Variants in TBC1D32 observed in about 807,000 individuals in gnomAD.
The protein encoded by TBC1D32 is TBC1 domain family member 32.
TBC1D32 carries 151 observed loss-of-function variants against 170.3 expected under a neutral mutation model. The observed-to-expected ratio is 0.89, with a 90% CI of 0.78 to 1.01. The LOEUF is 1.01. TBC1D32 is among the 50% of genes least tolerant of loss of function. TBC1D32 has a pLI of 0.00. For missense variants in TBC1D32, 1,464 were observed against 1,457.1 expected (o/e 1.00, Z -0.08); for synonymous variants, 498 against 488.0 (o/e 1.02, Z -0.27).
Position 121,262,608 on chromosome 6 carries a change from C to A in TBC1D32, c.1734-6323G>T, listed in dbSNP as rs575774192. Among the ~76,000 whole-genome samples, 5 of 152,082 alleles carry A rather than the reference C, an allele frequency of 3.3e-5. No homozygotes were observed. The East Asian group carries it at 9.7e-4, about 29-fold the overall frequency. ...TCTCCTGCCTCAGCCTCCTGAGTAG[C>A]TGGGACTATAGGCATGTGCCACCAT... On this transcript the variant is annotated intron_variant, in intron 15 of 31. Coordinates refer to ENST00000398212, the MANE Select transcript of TBC1D32 (RefSeq NM_152730.6).
intron 21 of TBC1D32, among the ~76,000 whole-genome samples, chr6:121,216,091 G>A (rs1369950574): frequency 1.3e-5 from 2 of 152,352 alleles, no homozygotes; most frequent in East Asian, 3.9e-4. Flanking sequence ...GCTGCCAAAG[G>A]AAATTAACAT....
intron 15 of TBC1D32, among the ~76,000 whole-genome samples, chr6:121,263,864 A>G (rs1800096391): frequency 6.6e-6 from 1 of 152,256 alleles, no homozygotes; most frequent in Admixed American, 6.5e-5. Flanking sequence ...AGTAAGGCAG[A>G]AATCAAGAAT....
At chr6:121,230,530 C>T (rs1203416583) in intron 20 of TBC1D32, among the ~76,000 whole-genome samples, 1 of 151,934 alleles carries the variant, frequency 6.6e-6, no homozygotes, top group African/African-American at 2.4e-5. Context: ...TGATGTTAAG[C>T]CACCTGTAAT....
At chr6:121,158,798 T>C (rs1785223503) in intron 24 of TBC1D32, among the ~76,000 whole-genome samples, 1 of 152,210 alleles carries the variant, frequency 6.6e-6, no homozygotes, top group South Asian at 2.1e-4. Flanking sequence ...AGGTAGAGTT[T>C]AAGAGTGGTG....
Position 121,279,223 on chromosome 6 carries a change from G to A in TBC1D32, c.1631C>T (p.Thr544Ile). The A allele has an allele frequency of 6.2e-7, 1 of 1,608,006 alleles. No individual in the cohort carries two copies. Residue 544 changes from threonine to isoleucine, a missense_variant, in exon 15 of 32, where the codon ACA (threonine) becomes ATA (isoleucine). Physicochemically the swap from Thr to Ile is moderately conservative, Grantham distance 89. This residue lies in a region of TBC1D32 where 1,363 missense variants were observed against 1,338.1 expected (regional missense o/e 1.02). Coordinates refer to ENST00000398212, the MANE Select transcript of TBC1D32 (RefSeq NM_152730.6). Reference protein sequence around the residue: ...GNEASPNCSETALIHIAGILA... With the variant: ...GNEASPNCSEIALIHIAGILA... ...AATACCAGCTATATGAATTAAAGCTGTCTCAGAGCAATTTGGAGATGCCTG... is the reference window on the plus strand; with the variant it reads ...AATACCAGCTATATGAATTAAAGCTATCTCAGAGCAATTTGGAGATGCCTG...
intron 12 of TBC1D32, among the ~76,000 whole-genome samples, chr6:121,291,005 TG>T (rs1370650728): frequency 1.3e-5 from 2 of 151,764 alleles, no homozygotes; most frequent in East Asian, 3.9e-4. Context: ...GTTGTGGGGT[TG>T]GGGGAGGGTG....
rs571435626 is a variant in TBC1D32 at position 121,179,671 on chromosome 6, TTAAA to T, written c.2571-18619_2571-18616del. ...TTCTCGACTAACTTTATTTATAAAT[TTAAA>T]TAAACATTATGTAACAATTTAATCA... On this transcript the variant is annotated intron_variant, in intron 22 of 31. Transcript: ENST00000398212. Among the ~76,000 whole-genome samples, 248 of 152,234 alleles carry T rather than the reference TTAAA, an allele frequency of 1.6e-3. 1 individual carries two copies. Among genetic ancestry groups the T allele is most frequent in the Non-Finnish European group, 2.8e-3 (190 of 68,004 alleles).
chr6:121,086,241 A>T (rs1776263254), intron 31 of TBC1D32, among the ~76,000 whole-genome samples: 1 of 152,132 alleles, frequency 6.6e-6, no homozygotes, highest in Non-Finnish European at 1.5e-5. Flanking sequence ...GTGATGAAGA[A>T]ACAAGCATAA....
chr6:121,331,502 G>A (rs748629131), intron 1 of TBC1D32, among the ~76,000 whole-genome samples: 3 of 151,854 alleles, frequency 2.0e-5, no homozygotes, highest in African/African-American at 4.8e-5. Context: ...TTACAGGCAT[G>A]AGCCACCATG....
intron 24 of TBC1D32, chr6:121,139,915 A>C (rs1158527566): frequency 6.6e-6 from 1 of 152,130 alleles, no homozygotes; most frequent in Non-Finnish European, 1.5e-5. Context: ...TGTTCTATAA[A>C]CAGTACTTTG....
At chr6:121,125,193 A>G (rs1307078233) in intron 26 of TBC1D32, among the ~76,000 whole-genome samples, 1 of 152,168 alleles carries the variant, frequency 6.6e-6, no homozygotes, top group Non-Finnish European at 1.5e-5. Context: ...AGGGATTCTA[A>G]GCAGACTAAG....
intron 24 of TBC1D32, among the ~76,000 whole-genome samples, chr6:121,138,754 T>C (rs930422907): frequency 1.1e-4 from 17 of 152,200 alleles, no homozygotes; most frequent in African/African-American, 3.4e-4. Flanking sequence ...ATAGACTATA[T>C]GTGTAAGACA....
chr6:121,270,211 G>A (rs1363785802), intron 15 of TBC1D32, among the ~76,000 whole-genome samples: 1 of 152,036 alleles, frequency 6.6e-6, no homozygotes, highest in Non-Finnish European at 1.5e-5. Flanking sequence ...AACTAGAGAA[G>A]CAAGAGCAAA....
chr6:121,171,422 A>G (rs569455688), intron 22 of TBC1D32, among the ~76,000 whole-genome samples: 1 of 151,930 alleles, frequency 6.6e-6, no homozygotes, highest in Non-Finnish European at 1.5e-5. Flanking sequence ...AAAATGTGGC[A>G]GTAATACGAG....
At chr6:121,081,025 T>C in intron 31 of TBC1D32, 135 bp from the exon 32 acceptor site, 1 of 946,182 alleles carries the variant, frequency 1.1e-6, no homozygotes, top group South Asian at 1.8e-5. Context: ...CCAGTAAATG[T>C]GTCATTGCTT....
rs777412904 is a variant in TBC1D32 at position 121,310,823 on chromosome 6, A to G, written c.520T>C (p.Leu174=). Reference sequence around the variant, plus strand: ...TCCAACTGGTCTAAAATCAATTGTAATTTTCCTTGACAAAATTTGTAACTC... The same window carrying G: ...TCCAACTGGTCTAAAATCAATTGTAGTTTTCCTTGACAAAATTTGTAACTC... ...NQSYKFCQGK[L]QLILDQLDPG... is the part of the protein sequence containing the mutation. Residue 174 remains leucine, a synonymous_variant, in exon 4 of 32, where the codon TTA becomes CTA. Transcript: ENST00000398212. 6.3e-7 allele frequency: 1 copy of G among 1,586,946 alleles called. No homozygotes were observed. The highest frequency in any genetic ancestry group is 2.3e-5 in the East Asian group (1 of 44,294).
intron 26 of TBC1D32, among the ~76,000 whole-genome samples, chr6:121,119,750 A>T (rs548395360): frequency 1.3e-5 from 2 of 152,244 alleles, no homozygotes; most frequent in Non-Finnish European, 1.5e-5. Flanking sequence ...CTTTAAAGGG[A>T]TAAACAGCCA....
chr6:121,108,197 C>T (rs1371936653), intron 29 of TBC1D32, among the ~76,000 whole-genome samples: 1 of 152,030 alleles, frequency 6.6e-6, no homozygotes, highest in East Asian at 1.9e-4. Flanking sequence ...CCATTTCATG[C>T]CTCTATTTTA....
intron 22 of TBC1D32, among the ~76,000 whole-genome samples, chr6:121,188,519 G>A (rs943342502): frequency 1.3e-5 from 2 of 151,990 alleles, no homozygotes; most frequent in African/African-American, 4.8e-5. Flanking sequence ...TGAAATCTAA[G>A]TCCTAAGCTT....
Sources: gnomAD v4.1 joint callset for allele counts (sites outside exome capture counted in the v4.1 genomes callset) on GRCh38, gnomAD v4.1.1 for gene constraint, gnomAD v4.1.1 regional missense constraint, MANE v1.5 for transcripts, NCBI Gene and HGNC (gene_info 2026-07-23, HGNC 2026-07-21) for gene names.